The following ARHGAP24 variants were observed in gnomAD, a reference collection of about 807,000 sequenced individuals.
ARHGAP24 encodes Rho GTPase activating protein 24, also known as rho GTPase-activating protein 24.
ARHGAP24 carries 50 observed loss-of-function variants against 76.4 expected under a neutral mutation model. The observed-to-expected ratio is 0.65, with a 90% CI of 0.52 to 0.83. The LOEUF (loss-of-function observed/expected upper bound fraction) is 0.83, where lower values mean the gene tolerates loss of function less well. Ranked by LOEUF, ARHGAP24 falls within the 40% of genes least tolerant of loss-of-function variation. The probability of loss-of-function intolerance (pLI) is 0.00; values close to 1 mark genes in which losing one functional copy is unlikely to be tolerated. For missense variants in ARHGAP24, 930 were observed against 914.2 expected (o/e 1.02, Z -0.22); for synonymous variants, 345 against 323.3 (o/e 1.07, Z -0.72).
intron 3 of ARHGAP24, among the ~76,000 whole-genome samples, chr4:85,856,574 G>A (rs1027248973): frequency 1.1e-4 from 17 of 149,320 alleles, no homozygotes; most frequent in African/African-American, 3.7e-4. Flanking sequence ...AGGTTCAAGC[G>A]ATTCTCCTGT....
intron 2 of ARHGAP24, among the ~76,000 whole-genome samples, chr4:85,644,405 C>T (rs1422057450): frequency 6.6e-6 from 1 of 152,138 alleles, no homozygotes; most frequent in Non-Finnish European, 1.5e-5. Context: ...AATGACTCTG[C>T]TTTTATTAGA....
At chr4:85,612,253 C>A (rs1720413430) in intron 2 of ARHGAP24, among the ~76,000 whole-genome samples, 1 of 152,024 alleles carries the variant, frequency 6.6e-6, no homozygotes, top group Non-Finnish European at 1.5e-5. Context: ...CCCGTCTCTA[C>A]TAAAAATACA....
intron 3 of ARHGAP24, among the ~76,000 whole-genome samples, chr4:85,871,947 A>T (rs1287497816): frequency 6.6e-6 from 1 of 151,998 alleles, no homozygotes; most frequent in Non-Finnish European, 1.5e-5. Flanking sequence ...ATTTAAAAAG[A>T]ATAACTATTG....
rs542822682 is a variant in ARHGAP24 at position 85,657,999 on chromosome 4, C to A, written c.181-63886C>A. On this transcript the variant is annotated intron_variant, in intron 2 of 9. Coordinates refer to ENST00000395184, the MANE Select transcript of ARHGAP24 (RefSeq NM_001025616.3). ...CAAATTCCTGGCCTCAAGTGATCTGCCCCCCTCGGCTTCCCAAGATGCTGG... is the reference window on the plus strand; with the variant it reads ...CAAATTCCTGGCCTCAAGTGATCTGACCCCCTCGGCTTCCCAAGATGCTGG... Among the ~76,000 whole-genome samples, 20 of 152,286 alleles carry A rather than the reference C, an allele frequency of 1.3e-4. No homozygotes were observed. The Middle Eastern group carries it at 0.01, about 78-fold the overall frequency.
chr4:85,763,258 A>C (rs1726802076), intron 3 of ARHGAP24, among the ~76,000 whole-genome samples: 1 of 152,234 alleles, frequency 6.6e-6, no homozygotes, highest in African/African-American at 2.4e-5. Context: ...TATATTAGGC[A>C]AAAAACCAAA....
intron 1 of ARHGAP24, among the ~76,000 whole-genome samples, chr4:85,515,261 A>G (rs1724450465): frequency 6.6e-6 from 1 of 152,088 alleles, no homozygotes. Context: ...TTTCTGAATG[A>G]TACATCATTT....
intron 1 of ARHGAP24, among the ~76,000 whole-genome samples, chr4:85,484,506 CAGTG>C (rs1255972676): frequency 6.6e-6 from 1 of 152,030 alleles, no homozygotes; most frequent in African/African-American, 2.4e-5. Flanking sequence ...TCAAAGAAAA[CAGTG>C]AGTGTATTTA....
At chr4:85,939,804 A>G (rs1361902595) in intron 4 of ARHGAP24, among the ~76,000 whole-genome samples, 1 of 152,118 alleles carries the variant, frequency 6.6e-6, no homozygotes, top group Non-Finnish European at 1.5e-5. Flanking sequence ...TGTAGCACAC[A>G]TGGTCATTGA....
chr4:85,943,030 T>A lies in ARHGAP24; in HGVS notation c.599+757T>A, dbSNP rs191116055. On this transcript the variant is annotated intron_variant, in intron 5 of 9. Transcript: ENST00000395184. The stretch of plus-strand genomic sequence containing the variant: ...TTAACAACTTCTATAAGCCTCTTTT[T>A]AAATATCTAATATTTCACTCTACAG... 8.5e-5 allele frequency among the ~76,000 whole-genome samples: 13 copies of A among 152,322 alleles called. No individual in the cohort carries two copies. In the East Asian group the frequency reaches 2.3e-3, roughly 27 times the overall value.
intron 1 of ARHGAP24, among the ~76,000 whole-genome samples, chr4:85,562,164 G>A (rs1046211177): frequency 2.6e-5 from 4 of 152,146 alleles, no homozygotes; most frequent in Non-Finnish European, 5.9e-5. Context: ...TTTTAGAATG[G>A]TGGTAACATG....
intron 1 of ARHGAP24, among the ~76,000 whole-genome samples, chr4:85,516,825 T>C (rs1386749394): frequency 6.6e-6 from 1 of 152,196 alleles, no homozygotes; most frequent in African/African-American, 2.4e-5. Flanking sequence ...GATTGGTCTT[T>C]CCTTGGATCT....
chr4:85,999,487 A>G (rs1740876960), intron 9 of ARHGAP24, among the ~76,000 whole-genome samples: 1 of 152,214 alleles, frequency 6.6e-6, no homozygotes, highest in African/African-American at 2.4e-5. Context: ...ATTTTAATTT[A>G]AAAACTGTTA....
chr4:85,951,410 G>T (rs1737610061), intron 5 of ARHGAP24, among the ~76,000 whole-genome samples: 1 of 152,040 alleles, frequency 6.6e-6, no homozygotes. Context: ...CTCAACTTTA[G>T]TCATTGGGAT....
intron 2 of ARHGAP24, among the ~76,000 whole-genome samples, chr4:85,704,758 T>C (rs572438288): frequency 7.9e-5 from 12 of 152,278 alleles, no homozygotes; most frequent in African/African-American, 2.6e-4. Flanking sequence ...TGTTAACTTA[T>C]ATTTTGTTCT....
intron 3 of ARHGAP24, among the ~76,000 whole-genome samples, chr4:85,907,760 A>G (rs1269721554): frequency 6.6e-6 from 1 of 152,166 alleles, no homozygotes; most frequent in Non-Finnish European, 1.5e-5. Context: ...CATTGTATCC[A>G]TGGCTCTTAA....
intron 8 of ARHGAP24, among the ~76,000 whole-genome samples, chr4:85,981,209 A>G (rs1739644990): frequency 6.6e-6 from 1 of 152,232 alleles, no homozygotes; most frequent in Non-Finnish European, 1.5e-5. Context: ...AGGACAACTG[A>G]CAAACTACAG....
chr4:85,888,782 C>A (rs921042675), intron 3 of ARHGAP24, among the ~76,000 whole-genome samples: 1 of 152,116 alleles, frequency 6.6e-6, no homozygotes, highest in East Asian at 1.9e-4. Context: ...TCCTACCCTC[C>A]ACCCTCCAAT....
At position 86,001,641 on chromosome 4, in the gene ARHGAP24, AC is replaced by A. The variant is rs1741024450; in HGVS notation, c.*921del. On this transcript the variant is annotated 3_prime_UTR_variant, in exon 10 of 10. Transcript: ENST00000395184. ...CTTGCTAAACCATGCCCACGTGAGC[AC>A]CTGTCTCCCACTCAAACCTCTCCCA... 5.1e-6 allele frequency: 2 copies of A among 388,902 alleles called. No individual in the cohort carries two copies. The highest frequency in any genetic ancestry group is 4.5e-6 in the Non-Finnish European group (1 of 220,642). 24.1% of individuals were successfully genotyped at this position (388,902 alleles called of 1,614,324 possible). A position where few individuals can be genotyped will look rare whatever the true frequency, so the allele number is the denominator to read the frequency against.
intron 3 of ARHGAP24, among the ~76,000 whole-genome samples, chr4:85,878,346 A>G (rs1478646644): frequency 6.6e-6 from 1 of 152,176 alleles, no homozygotes; most frequent in African/African-American, 2.4e-5. Flanking sequence ...AAAGCTATGT[A>G]TCCAATTATT....
Sources: gnomAD v4.1 joint callset for allele counts (sites outside exome capture counted in the v4.1 genomes callset) on GRCh38, gnomAD v4.1.1 for gene constraint, MANE v1.5 for transcripts, NCBI Gene and HGNC (gene_info 2026-07-23, HGNC 2026-07-21) for gene names.